KLHL29: variants seen among roughly 807,000 people sequenced by gnomAD.
KLHL29 encodes kelch-like protein 29.
In KLHL29, 21 loss-of-function variants were observed where a neutral mutation model predicts 80.4. The ratio of observed to expected loss-of-function variants is 0.26; its 90% CI spans 0.19 to 0.38. The LOEUF is 0.38. KLHL29 is among the 10% of genes least tolerant of loss of function. The pLI, the probability that KLHL29 is intolerant of heterozygous loss-of-function variation, is 1.00. For missense variants in KLHL29, 867 were observed against 1,223.9 expected, an observed-to-expected ratio of 0.71 and a Z score of 4.35; for synonymous variants, 511 against 526.8, an observed-to-expected ratio of 0.97 and a Z score of 0.41.
At chr2:23,554,646 C>G (rs1055657930) in intron 2 of KLHL29, among the ~76,000 whole-genome samples, 2 of 152,230 alleles carry the variant, frequency 1.3e-5, no homozygotes, top group East Asian at 3.8e-4. Context: ...TGGCCTCCAT[C>G]CCGCCCATGA....
intron 2 of KLHL29, among the ~76,000 whole-genome samples, chr2:23,482,723 CCT>C (rs1188830252): frequency 3.3e-5 from 5 of 152,324 alleles, no homozygotes; most frequent in African/African-American, 9.6e-5. Flanking sequence ...CAACTCCACC[CCT>C]GTCTCTCTCT....
chr2:23,541,734 T>C (rs564245526), intron 2 of KLHL29, among the ~76,000 whole-genome samples: 7 of 149,298 alleles, frequency 4.7e-5, no homozygotes, highest in African/African-American at 1.8e-4. Context: ...GAAAACAGGA[T>C]TTTTTAAAGA....
chr2:23,562,015 TG>T lies in KLHL29; in HGVS notation c.-45-134del. On this transcript the variant is annotated intron_variant, in intron 2 of 13. Transcript: ENST00000486442. This position sits in a 1 kb window ranked among gnomAD's most constrained non-coding sequence, Gnocchi z 4.5. ...GGGCTAATTAATGATCCATGCTTTG[TG>T]GGCTAGCGTGACTCTGAAATGAGCT... 1.5e-6 allele frequency: 1 copy of T among 648,220 alleles called. No individual in the cohort carries two copies. Among genetic ancestry groups the T allele is most frequent in the Non-Finnish European group, 2.6e-6 (1 of 380,228 alleles). 40.2% of individuals were successfully genotyped at this position (648,220 alleles called of 1,614,324 possible).
At chr2:23,513,771 A>T (rs1482840374) in intron 2 of KLHL29, among the ~76,000 whole-genome samples, 1 of 152,072 alleles carries the variant, frequency 6.6e-6, no homozygotes, top group African/African-American at 2.4e-5. Context: ...CCCACCGAGG[A>T]GGTGTGGACT....
intron 1 of KLHL29, among the ~76,000 whole-genome samples, chr2:23,431,662 G>GCGGGTGGAT (rs2103408563): frequency 6.6e-6 from 1 of 152,274 alleles, no homozygotes; most frequent in East Asian, 1.9e-4. Flanking sequence ...GGAGGCCTAG[G>GCGGGTGGAT]CGGGTGGATC....
chr2:23,643,999 C>T (rs1247451978), intron 5 of KLHL29: 1 of 152,216 alleles, frequency 6.6e-6, no homozygotes, highest in Non-Finnish European at 1.5e-5. Context: ...CCTGTCTTCT[C>T]TCCCAAGTCT....
chr2:23,574,264 A>G (rs1406883267), intron 3 of KLHL29, among the ~76,000 whole-genome samples: 1 of 151,976 alleles, frequency 6.6e-6, no homozygotes, highest in Non-Finnish European at 1.5e-5. Flanking sequence ...GAGAGACCCT[A>G]TTTGAGGGGG....
intron 5 of KLHL29, among the ~76,000 whole-genome samples, chr2:23,651,408 C>G (rs377313468): frequency 2.0e-5 from 3 of 152,136 alleles, no homozygotes; most frequent in Non-Finnish European, 4.4e-5. Flanking sequence ...CAAATGACCT[C>G]TCGGTGTCAT....
At chr2:23,477,321 C>G (rs1321689880) in intron 2 of KLHL29, among the ~76,000 whole-genome samples, 6 of 152,272 alleles carry the variant, frequency 3.9e-5, no homozygotes, top group Admixed American at 6.5e-5. Flanking sequence ...GGTCAGAGAG[C>G]TTTCTCTTTG....
intron 3 of KLHL29, among the ~76,000 whole-genome samples, chr2:23,572,193 A>C (rs184979225): frequency 3.4e-4 from 52 of 152,224 alleles, no homozygotes; most frequent in Non-Finnish European, 6.2e-4. Flanking sequence ...GCGTCACCCC[A>C]CCACCCACTT....
chr2:23,646,019 C>G (rs926777000), intron 5 of KLHL29, among the ~76,000 whole-genome samples: 1 of 150,948 alleles, frequency 6.6e-6, no homozygotes, highest in African/African-American at 2.4e-5. Context: ...TCTCTAAGAA[C>G]AATTTGGGGG....
At chr2:23,661,626 T>G (rs943196046) in intron 5 of KLHL29, among the ~76,000 whole-genome samples, 3 of 152,236 alleles carry the variant, frequency 2.0e-5, no homozygotes, top group Non-Finnish European at 4.4e-5. Context: ...AGGACATGGC[T>G]TTACTCGTGG....
chr2:23,388,881 T>G (rs1482200326), intron 1 of KLHL29, among the ~76,000 whole-genome samples: 1 of 152,002 alleles, frequency 6.6e-6, no homozygotes, highest in Non-Finnish European at 1.5e-5. Context: ...ACTGTAAAGC[T>G]TTCTCACTTT....
intron 11 of KLHL29, among the ~76,000 whole-genome samples, chr2:23,701,979 ATTTTT>A (rs70941587): frequency 6.9e-6 from 1 of 144,578 alleles, no homozygotes; most frequent in Non-Finnish European, 1.5e-5. Context: ...TGCCCAGCTA[ATTTTT>A]TTTTTTTTTT....
intron 3 of KLHL29, among the ~76,000 whole-genome samples, chr2:23,581,589 GC>G (rs1379144770): frequency 9.2e-5 from 14 of 152,110 alleles, no homozygotes; most frequent in Non-Finnish European, 1.9e-4. Context: ...ACTTTGGGAG[GC>G]CGAGGTGGGC....
At chr2:23,670,702 A>G (rs1039743236) in intron 5 of KLHL29, among the ~76,000 whole-genome samples, 5 of 152,130 alleles carry the variant, frequency 3.3e-5, no homozygotes, top group Admixed American at 6.5e-5. Context: ...GATCGTTAGA[A>G]ATATGAAAAA....
In KLHL29 at chr2:23,547,989, G is replaced by A. The variant is rs368849282; in HGVS notation, c.-45-14163G>A. Among the ~76,000 whole-genome samples, 255 of 152,194 alleles carry A rather than the reference G, an allele frequency of 1.7e-3. 5 individuals carry two copies. In the South Asian group the frequency reaches 0.045, roughly 27 times the overall value. ...AGAGAGTGGTCTGAGGCCTGTGTGC[G>A]TGGCCACATCCTTCTCACTCACACA... is the stretch of plus-strand genomic sequence containing the variant. On this transcript the variant is annotated intron_variant, in intron 2 of 13. Coordinates refer to ENST00000486442, the MANE Select transcript of KLHL29 (RefSeq NM_052920.2).
chr2:23,417,158 C>T (rs72776726), intron 1 of KLHL29, among the ~76,000 whole-genome samples: 39,247 of 151,936 alleles, frequency 0.26, 5,615 homozygotes, highest in South Asian at 0.41. Context: ...CACCAAGACC[C>T]CTGCTTGGTT....
chr2:23,470,008 G>T, intron 1 of KLHL29, among the ~76,000 whole-genome samples: 1 of 148,792 alleles, frequency 6.7e-6, no homozygotes, highest in African/African-American at 2.5e-5. Context: ...GGGGTCTGCT[G>T]TGTATCAAAA....
Sources: gnomAD v4.1 joint callset for allele counts (sites outside exome capture counted in the v4.1 genomes callset) on GRCh38, gnomAD v4.1.1 for gene constraint, Gnocchi (gnomAD v3.1) non-coding constraint, MANE v1.5 for transcripts, NCBI Gene and HGNC (gene_info 2026-07-23, HGNC 2026-07-21) for gene names.